DLG2: variants seen among roughly 807,000 people sequenced by gnomAD.
DLG2 encodes disks large homolog 2.
DLG2 carries 45 observed loss-of-function variants against 132.5 expected under a neutral mutation model. The ratio of observed to expected loss-of-function variants is 0.34; its 90% CI spans 0.27 to 0.44. DLG2 has a LOEUF of 0.44. Among genes scored for constraint, DLG2 ranks in the 20% least tolerant of loss-of-function variants. The pLI is 1.00. For missense variants in DLG2, 1,045 were observed against 1,196.9 expected, an observed-to-expected ratio of 0.87 and a Z score of 1.87; for synonymous variants, 424 against 419.6, an observed-to-expected ratio of 1.01 and a Z score of -0.13.
At chr11:83,904,224 T>G (rs767481209) in intron 15 of DLG2, among the ~76,000 whole-genome samples, 5 of 152,196 alleles carry the variant, frequency 3.3e-5, no homozygotes, top group Non-Finnish European at 7.4e-5. Flanking sequence ...TTTATCATGC[T>G]TCACAAAATG....
At chr11:85,602,285 G>C (rs917855917) in intron 2 of DLG2, among the ~76,000 whole-genome samples, 1 of 152,016 alleles carries the variant, frequency 6.6e-6, no homozygotes, top group African/African-American at 2.4e-5. Flanking sequence ...CCTACCTCCA[G>C]TGCCACCACC....
intron 7 of DLG2, among the ~76,000 whole-genome samples, chr11:84,329,669 T>C (rs1407948824): frequency 6.6e-6 from 1 of 152,226 alleles, no homozygotes; most frequent in Non-Finnish European, 1.5e-5. Flanking sequence ...CTAAGATACA[T>C]GCTCTAGTTT....
intron 6 of DLG2, among the ~76,000 whole-genome samples, chr11:85,033,991 G>T (rs1468914877): frequency 6.6e-6 from 1 of 152,004 alleles, no homozygotes; most frequent in Non-Finnish European, 1.5e-5. Flanking sequence ...CCTAATTGAT[G>T]TGAAGGACTT....
At chr11:83,884,256 C>T (rs1014340139) in intron 15 of DLG2, among the ~76,000 whole-genome samples, 2 of 152,224 alleles carry the variant, frequency 1.3e-5, no homozygotes, top group African/African-American at 2.4e-5. Flanking sequence ...TGCGCTTTTC[C>T]GACGGGCTTA....
intron 11 of DLG2, among the ~76,000 whole-genome samples, chr11:84,000,937 C>T (rs140986382): frequency 5.9e-5 from 9 of 151,962 alleles, no homozygotes; most frequent in African/African-American, 1.9e-4. Context: ...TGGTAAAGCA[C>T]ACATACAAAG....
At chr11:85,509,967 A>C (rs532574736) in intron 3 of DLG2, 1 of 151,756 alleles carries the variant, frequency 6.6e-6, no homozygotes, top group Non-Finnish European at 1.5e-5. Flanking sequence ...ACATACTAAA[A>C]TTGGAATGAT....
chr11:85,401,717 C>A (rs1476384526), intron 3 of DLG2, among the ~76,000 whole-genome samples: 1 of 152,144 alleles, frequency 6.6e-6, no homozygotes, highest in Non-Finnish European at 1.5e-5. Context: ...AGAGCCAAAT[C>A]ATGAGTGAAC....
At chr11:85,439,415 A>C (rs2091661697) in intron 3 of DLG2, among the ~76,000 whole-genome samples, 1 of 147,512 alleles carries the variant, frequency 6.8e-6, no homozygotes, top group Non-Finnish European at 1.5e-5. Context: ...GCTGCAGTGC[A>C]GTGGCTTGAT....
chr11:83,953,835 T>C (rs186355264), intron 14 of DLG2, among the ~76,000 whole-genome samples: 13 of 152,314 alleles, frequency 8.5e-5, no homozygotes, highest in Non-Finnish European at 1.2e-4. Flanking sequence ...AGTGGTTAAC[T>C]TGTAAGAGGA....
intron 7 of DLG2, among the ~76,000 whole-genome samples, chr11:84,485,878 C>A (rs1242947130): frequency 6.6e-6 from 1 of 152,130 alleles, no homozygotes; most frequent in Admixed American, 6.6e-5. Flanking sequence ...AGTTCTCACT[C>A]ATTGCAGGTT....
chr11:83,803,442 G>A (rs1188461995), intron 17 of DLG2, among the ~76,000 whole-genome samples: 6 of 152,030 alleles, frequency 3.9e-5, no homozygotes, highest in South Asian at 4.1e-4. Flanking sequence ...CCTTCCAAAG[G>A]TGCAATAACA....
chr11:84,562,551 T>C (rs190251927), intron 6 of DLG2, among the ~76,000 whole-genome samples: 1 of 152,288 alleles, frequency 6.6e-6, no homozygotes, highest in East Asian at 1.9e-4. Flanking sequence ...TTTGTTTAAA[T>C]AACAGTCTAT....
chr11:83,836,467 A>G (rs779632680), intron 16 of DLG2, among the ~76,000 whole-genome samples: 13 of 152,128 alleles, frequency 8.5e-5, no homozygotes, highest in Non-Finnish European at 1.9e-4. Context: ...TCTTCAAGCA[A>G]CTAATGGCAC....
At chr11:84,728,015 A>C (rs926950452) in intron 6 of DLG2, among the ~76,000 whole-genome samples, 1 of 152,100 alleles carries the variant, frequency 6.6e-6, no homozygotes, top group Non-Finnish European at 1.5e-5. Flanking sequence ...GGGTTTTCTA[A>C]ATATACAATC....
chr11:85,019,212 A>T (rs754335536), intron 6 of DLG2, among the ~76,000 whole-genome samples: 2 of 152,204 alleles, frequency 1.3e-5, no homozygotes, highest in Non-Finnish European at 2.9e-5. Context: ...TTGTTAAGTC[A>T]TAAAGAGGTA....
At chr11:84,600,237 A>AG (rs2099573767) in intron 6 of DLG2, among the ~76,000 whole-genome samples, 1 of 125,604 alleles carries the variant, frequency 8.0e-6, no homozygotes, top group African/African-American at 4.4e-5. Context: ...AAAGAAAGAC[A>AG]GAAAAGCAAG....
At chr11:85,168,971 A>G (rs567896395) in intron 4 of DLG2, among the ~76,000 whole-genome samples, 2 of 152,314 alleles carry the variant, frequency 1.3e-5, no homozygotes, top group African/African-American at 4.8e-5. Flanking sequence ...GAACACGGTC[A>G]TCCCCTCAGT....
intron 6 of DLG2, among the ~76,000 whole-genome samples, chr11:84,736,662 A>G (rs994517835): frequency 2.0e-5 from 3 of 151,822 alleles, no homozygotes; most frequent in African/African-American, 7.3e-5. Context: ...TTCTAAATGG[A>G]ATTCCTTTAT....
chr11:84,338,635 T>C (rs773839240), intron 7 of DLG2, among the ~76,000 whole-genome samples: 1 of 151,974 alleles, frequency 6.6e-6, no homozygotes, highest in Non-Finnish European at 1.5e-5. Flanking sequence ...CCAACCTGGC[T>C]AACATGCTGA....
Sources: allele counts gnomAD v4.1 joint callset (sites outside exome capture counted in the v4.1 genomes callset), GRCh38; gene constraint gnomAD v4.1.1; transcripts MANE v1.5; gene names NCBI Gene and HGNC (gene_info 2026-07-23, HGNC 2026-07-21).